Variants in PDE10A observed in about 807,000 individuals in gnomAD.
PDE10A encodes the protein phosphodiesterase 10A, also known as cAMP and cAMP-inhibited cGMP 3',5'-cyclic phosphodiesterase 10A.
A neutral mutation model predicts 97.7 loss-of-function variants in PDE10A; 39 were observed. The ratio of observed to expected loss-of-function variants is 0.40; its 90% CI spans 0.31 to 0.52. PDE10A has a LOEUF of 0.52. Among genes scored for constraint, PDE10A ranks in the 20% least tolerant of loss-of-function variants. The pLI is 0.56. For missense variants in PDE10A, 731 were observed against 1,047.8 expected, an observed-to-expected ratio of 0.70 and a Z score of 4.17; for synonymous variants, 371 against 376.8, an observed-to-expected ratio of 0.98 and a Z score of 0.18.
At chr6:165,619,403 T>TGCA (rs2128407074) in intron 1 of PDE10A, among the ~76,000 whole-genome samples, 1 of 142,784 alleles carries the variant, frequency 7.0e-6, no homozygotes, top group Admixed American at 6.8e-5. Context: ...TGTAGTGTAG[T>TGCA]GTAGTCTAGT....
At chr6:165,632,131 C>T (rs1214826728) in intron 1 of PDE10A, among the ~76,000 whole-genome samples, 1 of 132,878 alleles carries the variant, frequency 7.5e-6, no homozygotes, top group Non-Finnish European at 1.5e-5. Flanking sequence ...ACCCAGGAGG[C>T]GGAGGTTGCA....
intron 1 of PDE10A, among the ~76,000 whole-genome samples, chr6:165,595,244 T>G (rs991269160): frequency 2.0e-5 from 3 of 152,158 alleles, no homozygotes; most frequent in Non-Finnish European, 4.4e-5. Flanking sequence ...TCTGGATTAG[T>G]CCTCTCATGG....
At chr6:165,592,401 C>A (rs541211351) in intron 1 of PDE10A, among the ~76,000 whole-genome samples, 1 of 152,298 alleles carries the variant, frequency 6.6e-6, no homozygotes, top group South Asian at 2.1e-4. Flanking sequence ...GCTAAGACTT[C>A]ATGATTAAAA....
In PDE10A at chr6:165,442,508, G is replaced by A. The variant is rs1187026160; in HGVS notation, c.1194+6420C>T. Among the ~76,000 whole-genome samples, 46 of 152,158 alleles carry A rather than the reference G, an allele frequency of 3.0e-4. 1 individual carries two copies. The highest frequency in any genetic ancestry group is 2.9e-5 in the Non-Finnish European group (2 of 68,028). ...CGGGAAGCAAGGAACTTCTTCCCAT[G>A]GTGGCAGAAGAGGGAGTGCAAGGCG... On this transcript the variant is annotated intron_variant, in intron 5 of 21. Transcript: ENST00000539869.
intron 13 of PDE10A, among the ~76,000 whole-genome samples, chr6:165,397,554 T>C (rs918744236): frequency 7.3e-5 from 11 of 151,594 alleles, no homozygotes; most frequent in African/African-American, 2.7e-4. Context: ...TACTAAAAAA[T>C]AGAAAAATCA....
intron 2 of PDE10A, among the ~76,000 whole-genome samples, chr6:165,517,924 G>A (rs754858915): frequency 3.9e-5 from 6 of 152,092 alleles, no homozygotes; most frequent in Non-Finnish European, 5.9e-5. Flanking sequence ...CCATGTGTCC[G>A]GTGCTAATCC....
At chr6:165,334,038 T>C (rs1257425934) in intron 21 of PDE10A, among the ~76,000 whole-genome samples, 1 of 152,236 alleles carries the variant, frequency 6.6e-6, no homozygotes, top group Non-Finnish European at 1.5e-5. Flanking sequence ...TATCATCAAG[T>C]ATTATTTTTC....
At chr6:165,891,459 A>C (rs1326758409) in intron 1 of PDE10A, among the ~76,000 whole-genome samples, 1 of 152,172 alleles carries the variant, frequency 6.6e-6, no homozygotes, top group African/African-American at 2.4e-5. Flanking sequence ...TCCCAGGTTC[A>C]GCCAGGGAGA....
intron 1 of PDE10A, among the ~76,000 whole-genome samples, chr6:165,573,471 C>T (rs547528188): frequency 6.6e-6 from 1 of 152,072 alleles, no homozygotes; most frequent in South Asian, 2.1e-4. Flanking sequence ...TTTAGCTTTC[C>T]CCCTCCTCAT....
At chr6:165,765,842 A>C (rs1482643130) in intron 1 of PDE10A, among the ~76,000 whole-genome samples, 4 of 152,058 alleles carry the variant, frequency 2.6e-5, no homozygotes, top group African/African-American at 9.7e-5. Context: ...GCCCGCTGTC[A>C]CCTCTCATTG....
At chr6:165,508,276 T>C (rs895202663) in intron 2 of PDE10A, among the ~76,000 whole-genome samples, 16 of 152,076 alleles carry the variant, frequency 1.1e-4, no homozygotes, top group Admixed American at 2.0e-4. Context: ...GTATATTACA[T>C]TGCATTGCCT....
intron 1 of PDE10A, among the ~76,000 whole-genome samples, chr6:165,708,070 G>C (rs142530007): frequency 1.4e-4 from 22 of 152,186 alleles, no homozygotes; most frequent in Middle Eastern, 3.4e-3. Context: ...CCATTTCTCT[G>C]TTCTTTAAAA....
chr6:165,930,990 G>A (rs1216416245), intron 1 of PDE10A, among the ~76,000 whole-genome samples: 1 of 152,232 alleles, frequency 6.6e-6, no homozygotes, highest in Non-Finnish European at 1.5e-5. Context: ...GAGACAGCAT[G>A]GAGCATTGAC....
chr6:165,476,006 C>T (rs577664236), intron 3 of PDE10A, among the ~76,000 whole-genome samples: 6 of 152,202 alleles, frequency 3.9e-5, no homozygotes, highest in African/African-American at 1.4e-4. Flanking sequence ...CTATCCAGCC[C>T]TCCAACACAC....
chr6:165,330,238 T>C lies in PDE10A; in HGVS notation c.*2787A>G, dbSNP rs936086307. On this transcript the variant is annotated 3_prime_UTR_variant, in exon 22 of 22. Coordinates refer to ENST00000539869, the MANE Select transcript of PDE10A (RefSeq NM_001385079.1). ...ATACTGGGTGGAAAATTTGGCACAA[T>C]ACACAATACGACCTTAATAGGAACT... The C allele has an allele frequency of 6.6e-6, 1 of 152,160 alleles. No individual in the cohort carries two copies. Among genetic ancestry groups the C allele is most frequent in the Non-Finnish European group, 1.5e-5 (1 of 68,014 alleles). 9.4% of individuals were successfully genotyped at this position (152,160 alleles called of 1,614,324 possible). A position where few individuals can be genotyped will look rare whatever the true frequency, so the allele number is the denominator to read the frequency against.
intron 1 of PDE10A, among the ~76,000 whole-genome samples, chr6:165,567,994 A>ATTTTTTTTT (rs386409260): frequency 2.3e-5 from 3 of 130,650 alleles, no homozygotes; most frequent in African/African-American, 9.2e-5. Context: ...GCAACAAGGC[A>ATTTTTTTTT]TTTTTTTTTT....
At chr6:165,885,067 G>A (rs1011864223) in intron 1 of PDE10A, among the ~76,000 whole-genome samples, 2 of 152,126 alleles carry the variant, frequency 1.3e-5, no homozygotes, top group Non-Finnish European at 2.9e-5. Flanking sequence ...ACCAAGTAAG[G>A]AAGCCGGCCC....
chr6:165,925,984 G>A (rs901215231), intron 1 of PDE10A, among the ~76,000 whole-genome samples: 4 of 152,230 alleles, frequency 2.6e-5, no homozygotes, highest in African/African-American at 9.7e-5. Context: ...GGAACTGCAA[G>A]AAGGGTATAT....
intron 1 of PDE10A, among the ~76,000 whole-genome samples, chr6:165,605,092 G>T (rs1230114760): frequency 6.6e-6 from 1 of 151,794 alleles, no homozygotes; most frequent in Non-Finnish European, 1.5e-5. Flanking sequence ...AAATTTCATT[G>T]CTTCATTTTG....
Sources: gnomAD v4.1 joint callset for allele counts (sites outside exome capture counted in the v4.1 genomes callset) on GRCh38, gnomAD v4.1.1 for gene constraint, MANE v1.5 for transcripts, NCBI Gene and HGNC (gene_info 2026-07-23, HGNC 2026-07-21) for gene names.